The following ROBO1 variants were observed in gnomAD, a reference collection of about 807,000 sequenced individuals.
ROBO1 encodes the protein roundabout homolog 1.
A neutral mutation model predicts 195.9 loss-of-function variants in ROBO1; 149 were observed. The observed-to-expected ratio is 0.76, with a 90% CI of 0.67 to 0.87. ROBO1 has a LOEUF of 0.87. Ranked by LOEUF, ROBO1 falls within the 40% of genes least tolerant of loss-of-function variation. The pLI, the probability that ROBO1 is intolerant of heterozygous loss-of-function variation, is 0.00. For synonymous variants in ROBO1, 816 were observed against 733.2 expected, an observed-to-expected ratio of 1.11 and a Z score of -1.82; for missense variants, 1,933 against 2,068.3, an observed-to-expected ratio of 0.93 and a Z score of 1.27.
intron 4 of ROBO1, among the ~76,000 whole-genome samples, chr3:78,877,598 ATAGTT>A (rs1259469329): frequency 6.6e-6 from 1 of 152,224 alleles, no homozygotes; most frequent in Admixed American, 6.5e-5. Flanking sequence ...AACTTTTAAA[ATAGTT>A]TAAAGTAATG....
Position 78,666,485 on chromosome 3 carries a change from A to G in ROBO1, c.1966+1398T>C, listed in dbSNP as rs1304023659. On this transcript the variant is annotated intron_variant, in intron 14 of 30. Coordinates refer to ENST00000464233, the MANE Select transcript of ROBO1 (RefSeq NM_002941.4). ...TTCAGTTAGAGTCTACTGGCTGGAGACCACTGTACTGGGGACAAAAGTTTA... is the reference window on the plus strand; with the variant it reads ...TTCAGTTAGAGTCTACTGGCTGGAGGCCACTGTACTGGGGACAAAAGTTTA... Among the ~76,000 whole-genome samples, 4 of 152,248 alleles carry G rather than the reference A, an allele frequency of 2.6e-5. No homozygotes were observed. In the East Asian group the frequency reaches 7.7e-4, roughly 29 times the overall value.
At chr3:78,963,090 G>GAT (rs71127370) in intron 3 of ROBO1, among the ~76,000 whole-genome samples, 19,838 of 145,478 alleles carry the variant, frequency 0.14, 1,363 homozygotes, top group African/African-American at 0.17. Context: ...TCTCATACTT[G>GAT]ATATATATAT....
intron 4 of ROBO1, among the ~76,000 whole-genome samples, chr3:78,824,261 T>A (rs1025339840): frequency 6.6e-6 from 1 of 152,162 alleles, no homozygotes; most frequent in Admixed American, 6.5e-5. Flanking sequence ...GCAGAAGTAA[T>A]TGAGGTTTTT....
intron 2 of ROBO1, among the ~76,000 whole-genome samples, chr3:79,293,321 A>C (rs576423989): frequency 6.6e-6 from 1 of 152,158 alleles, no homozygotes; most frequent in Non-Finnish European, 1.5e-5. Context: ...TAATCTTTTC[A>C]AAAAAACAGC....
intron 1 of ROBO1, among the ~76,000 whole-genome samples, chr3:79,747,407 TA>T (rs1186791774): frequency 4.9e-4 from 75 of 152,182 alleles, no homozygotes; most frequent in Admixed American, 5.2e-4. Context: ...GGATAAATTA[TA>T]TTTTTATGGA....
chr3:78,944,958 C>T (rs1243664202), intron 3 of ROBO1, among the ~76,000 whole-genome samples: 1 of 152,218 alleles, frequency 6.6e-6, no homozygotes, highest in Middle Eastern at 3.4e-3. Context: ...GGCAGTGAGG[C>T]TTGGGGAGGG....
At chr3:78,716,737 G>A (rs938276719) in intron 7 of ROBO1, among the ~76,000 whole-genome samples, 2 of 152,050 alleles carry the variant, frequency 1.3e-5, no homozygotes, top group Non-Finnish European at 2.9e-5. Context: ...TGGAGAAGAC[G>A]GCCCGCTGAC....
At chr3:79,755,599 G>T (rs1050826909) in intron 1 of ROBO1, among the ~76,000 whole-genome samples, 1 of 152,020 alleles carries the variant, frequency 6.6e-6, no homozygotes, top group Admixed American at 6.6e-5. Context: ...AAAATTTAAT[G>T]ACACTGGAAT....
At chr3:79,447,763 T>A (rs2039313125) in intron 2 of ROBO1, among the ~76,000 whole-genome samples, 1 of 152,152 alleles carries the variant, frequency 6.6e-6, no homozygotes, top group Non-Finnish European at 1.5e-5. Flanking sequence ...TATTTTTCTA[T>A]TCCTAACCAG....
In ROBO1 at chr3:78,787,938, T is replaced by C. The variant is rs1164351350; in HGVS notation, c.500-41038A>G. On this transcript the variant is annotated intron_variant, in intron 4 of 30. Transcript: ENST00000464233. ...TTAGACCCCTTCTCTTTTTTTTTTT[T>C]TTTTTTTTTTTTTTTTTTTGATACG... 3.4e-3 allele frequency among the ~76,000 whole-genome samples: 246 copies of C among 72,936 alleles called. 3 individuals are homozygous for C. The highest frequency in any genetic ancestry group is 0.011 in the African/African-American group (233 of 20,398). The allele number at this position is 72,936 out of a possible 152,430, so 47.8% of individuals were successfully genotyped here. A position where few individuals can be genotyped will look rare whatever the true frequency, so the allele number is the denominator to read the frequency against.
In ROBO1 at chr3:79,510,717, G is replaced by A. The variant is rs572533985; in HGVS notation, c.88+79107C>T. Among the ~76,000 whole-genome samples, 36 of 152,122 alleles carry A rather than the reference G, an allele frequency of 2.4e-4. 1 individual carries two copies. Among genetic ancestry groups the A allele is most frequent in the Admixed American group, 2.1e-3 (32 of 15,274 alleles). On this transcript the variant is annotated intron_variant, in intron 2 of 30. Transcript: ENST00000464233. ...TGTGTAAGGTATGAAATGTCTATGCGACAGAGAAGTCTTGAAAAAGAAATG... is the reference window on the plus strand; with the variant it reads ...TGTGTAAGGTATGAAATGTCTATGCAACAGAGAAGTCTTGAAAAAGAAATG...
Position 79,739,803 on chromosome 3 carries a change from A to C in ROBO1, c.-51+27949T>G, listed in dbSNP as rs1291070431. Among the ~76,000 whole-genome samples, 3 of 152,276 alleles carry C rather than the reference A, an allele frequency of 2.0e-5. No homozygotes were observed. The East Asian group carries it at 5.8e-4, about 29-fold the overall frequency. ...GTACTGGTCCAGTTTAGTACTCATA[A>C]ATAATTTTCCTAGGATACACTGTTA... On this transcript the variant is annotated intron_variant, in intron 1 of 30. Coordinates refer to ENST00000464233, the MANE Select transcript of ROBO1 (RefSeq NM_002941.4).
Position 79,391,047 on chromosome 3 carries a change from C to A in ROBO1, c.88+198777G>T, listed in dbSNP as rs150098570. 1.7e-3 allele frequency among the ~76,000 whole-genome samples: 256 copies of A among 151,008 alleles called. 5 individuals are homozygous for A. The East Asian group carries it at 0.044, about 26-fold the overall frequency. ...TGGTGGCTCATGCCTGTAATCCCAG[C>A]ACTTTGGGAAGCCGAGGCTATGAGA... On this transcript the variant is annotated intron_variant, in intron 2 of 30. Coordinates refer to ENST00000464233, the MANE Select transcript of ROBO1 (RefSeq NM_002941.4).
chr3:78,901,098 AT>A (rs2037556004), intron 4 of ROBO1, among the ~76,000 whole-genome samples: 1 of 152,204 alleles, frequency 6.6e-6, no homozygotes, highest in African/African-American at 2.4e-5. Flanking sequence ...GCAATGTCTC[AT>A]CTGGCCTAAT....
At chr3:79,587,814 G>A (rs897602423) in intron 2 of ROBO1, among the ~76,000 whole-genome samples, 4 of 151,642 alleles carry the variant, frequency 2.6e-5, no homozygotes, top group East Asian at 1.9e-4. Context: ...AGGCCAATGA[G>A]TTCCTTCAGT....
At chr3:78,962,077 AC>A (rs774513786) in intron 3 of ROBO1, among the ~76,000 whole-genome samples, 11 of 152,282 alleles carry the variant, frequency 7.2e-5, no homozygotes, top group East Asian at 3.9e-4. Flanking sequence ...ACAAAGGAAA[AC>A]TAATCACTAG....
intron 2 of ROBO1, among the ~76,000 whole-genome samples, chr3:79,332,956 C>T (rs1172114056): frequency 2.0e-5 from 3 of 152,026 alleles, no homozygotes; most frequent in East Asian, 1.9e-4. Flanking sequence ...AATCCCAGCA[C>T]GTTGGGAGTC....
intron 2 of ROBO1, among the ~76,000 whole-genome samples, chr3:79,372,219 T>C (rs1210501366): frequency 6.8e-6 from 1 of 146,372 alleles, no homozygotes; most frequent in Non-Finnish European, 1.5e-5. Flanking sequence ...TTTTTTTTTC[T>C]TTTTTTGAGA....
At position 78,668,181 on chromosome 3, in the gene ROBO1, A is replaced by C. The variant is rs74715114; in HGVS notation, c.1752T>G (p.Asn584Lys). The change falls in exon 13 of 31, where the codon AAT becomes AAG. Residue 584 changes from asparagine (N) to lysine (K), a missense_variant. Transcript: ENST00000464233. ...ATGTTGGAGTTGCTCCTGAATTCAA[A>C]TTTGGTTGCCACGATAATGTGACTG... is the stretch of plus-strand genomic sequence containing the variant. ...RNTVTLSWQPNLNSGATPTSY... is the reference protein window; with the variant it reads ...RNTVTLSWQPKLNSGATPTSY... 6.8e-6 allele frequency: 11 copies of C among 1,613,464 alleles called. No homozygotes were observed. The highest frequency in any genetic ancestry group is 9.3e-6 in the Non-Finnish European group (11 of 1,179,486).
Sources: allele counts gnomAD v4.1 joint callset (sites outside exome capture counted in the v4.1 genomes callset), GRCh38; gene constraint gnomAD v4.1.1; transcripts MANE v1.5; gene names NCBI Gene and HGNC (gene_info 2026-07-23, HGNC 2026-07-21).